The following ABCB11 variants were observed in gnomAD, a reference collection of about 807,000 sequenced individuals.
ABCB11 encodes ATP binding cassette subfamily B member 11.
ABCB11 carries 95 observed loss-of-function variants against 148.0 expected under a neutral mutation model. The observed-to-expected ratio is 0.64, with a 90% CI of 0.54 to 0.76. The LOEUF (loss-of-function observed/expected upper bound fraction) is 0.76, where lower values mean the gene tolerates loss of function less well. Ranked by LOEUF, ABCB11 falls within the 30% of genes least tolerant of loss-of-function variation. The probability of loss-of-function intolerance (pLI) is 0.00; values close to 1 mark genes in which losing one functional copy is unlikely to be tolerated. For missense variants in ABCB11, 1,523 were observed against 1,617.8 expected, an observed-to-expected ratio of 0.94 and a Z score of 1.01; for synonymous variants, 591 against 555.4, an observed-to-expected ratio of 1.06 and a Z score of -0.90.
chr2:168,976,315 G>A lies in ABCB11; in HGVS notation c.1308+262C>T, dbSNP rs546306138. 1.5e-4 allele frequency among the ~76,000 whole-genome samples: 23 copies of A among 152,204 alleles called. No homozygotes were observed. In the Middle Eastern group the frequency reaches 0.01, roughly 68 times the overall value. Reference sequence around the variant, plus strand: ...ACAGGACCTGCCACTCATTTCAACAGAGCGTCATACAGTTCATTTAGCCTG... The same window carrying A: ...ACAGGACCTGCCACTCATTTCAACAAAGCGTCATACAGTTCATTTAGCCTG... On this transcript the variant is annotated intron_variant, in intron 12 of 27. Coordinates refer to ENST00000650372, the MANE Select transcript of ABCB11 (RefSeq NM_003742.4).
intron 10 of ABCB11, among the ~76,000 whole-genome samples, chr2:168,984,259 T>G (rs888608555): frequency 9.9e-5 from 15 of 152,274 alleles, no homozygotes; most frequent in African/African-American, 3.6e-4. Flanking sequence ...TGTCTCTATT[T>G]GTCTGTATTC....
At chr2:169,013,654 G>C in intron 4 of ABCB11, 144 bp from the exon 5 acceptor site, 2 of 611,030 alleles carry the variant, frequency 3.3e-6, no homozygotes, top group East Asian at 2.8e-5. Flanking sequence ...GGCAGAGTTC[G>C]TATACTAATT....
rs1203372479 is a variant in ABCB11 at position 168,932,372 on chromosome 2, C to G, written c.3213+5G>C. 6.4e-7 allele frequency: 1 copy of G among 1,553,554 alleles called. No homozygotes were observed. Among genetic ancestry groups the G allele is most frequent in the East Asian group, 2.4e-5 (1 of 41,150 alleles). On this transcript the variant is annotated splice_donor_5th_base_variant and intron_variant, in intron 24 of 27. Transcript: ENST00000650372. ...TTTATGGCTGCATAGTATTCCAACACTTACCCATTTTTCACCTGCAGTATT... is the reference window on the plus strand; with the variant it reads ...TTTATGGCTGCATAGTATTCCAACAGTTACCCATTTTTCACCTGCAGTATT...
chr2:168,950,222 A>ATG (rs754220478), intron 19 of ABCB11, among the ~76,000 whole-genome samples: 10 of 151,354 alleles, frequency 6.6e-5, no homozygotes, highest in African/African-American at 2.2e-4. Context: ...ATATGTGTAT[A>ATG]TGTGTGTGTG....
intron 11 of ABCB11, among the ~76,000 whole-genome samples, chr2:168,979,516 C>A (rs889027427): frequency 6.6e-6 from 1 of 151,960 alleles, no homozygotes; most frequent in East Asian, 1.9e-4. Context: ...CCTCTCCCAG[C>A]ATGAGTAAAG....
At chr2:168,986,710 C>A (rs938660271) in intron 9 of ABCB11, among the ~76,000 whole-genome samples, 2 of 152,136 alleles carry the variant, frequency 1.3e-5, no homozygotes, top group Non-Finnish European at 2.9e-5. Flanking sequence ...AGGCTTGGAA[C>A]TAGTGTTTGC....
intron 11 of ABCB11, among the ~76,000 whole-genome samples, chr2:168,979,430 A>G (rs1694051558): frequency 6.6e-6 from 1 of 151,904 alleles, no homozygotes; most frequent in South Asian, 2.1e-4. Flanking sequence ...ACATTGCCCT[A>G]TTTTATTTCC....
chr2:168,975,441 A>C (rs373879673), intron 12 of ABCB11, among the ~76,000 whole-genome samples: 935 of 53,024 alleles, frequency 0.018, 14 homozygotes, highest in East Asian at 0.062. Flanking sequence ...ATAAATATAT[A>C]AATATATAAA....
At chr2:169,013,172 T>A in intron 5 of ABCB11, 100 bp downstream of exon 5, 1 of 837,850 alleles carries the variant, frequency 1.2e-6, no homozygotes, top group South Asian at 1.9e-5. Context: ...TTGTGTTAGA[T>A]ACCACTCCAG....
chr2:168,955,388 G>A (rs956254386), intron 19 of ABCB11, among the ~76,000 whole-genome samples: 3 of 151,512 alleles, frequency 2.0e-5, no homozygotes, highest in East Asian at 2.0e-4. Flanking sequence ...TTACAATCAC[G>A]GTGGAAAGAA....
intron 10 of ABCB11, among the ~76,000 whole-genome samples, chr2:168,981,044 T>C (rs1694119665): frequency 6.6e-6 from 1 of 152,158 alleles, no homozygotes; most frequent in Non-Finnish European, 1.5e-5. Flanking sequence ...ATGAATGTAG[T>C]CTTTTTCAGG....
At chr2:168,997,142 C>G (rs1694743247) in intron 5 of ABCB11, among the ~76,000 whole-genome samples, 1 of 151,992 alleles carries the variant, frequency 6.6e-6, no homozygotes, top group South Asian at 2.1e-4. Flanking sequence ...TTTTCAAAAG[C>G]CAGACAGGCT....
Position 169,013,334 on chromosome 2 carries a change from A to G in ABCB11, c.327T>C (p.Asn109=), listed in dbSNP as rs1393900085. Residue 109 remains asparagine, a synonymous_variant, in exon 5 of 28, where the codon AAT becomes AAC. Coordinates refer to ENST00000650372, the MANE Select transcript of ABCB11 (RefSeq NM_003742.4). ...ELQIPGKACV[N]NTIVWTNSSL... is the part of the protein sequence containing the mutation. ...AACTGTTAGTCCATACAATGGTGTT[A>G]TTCACACATGCTTTTCCTGGAATCT... The G allele has an allele frequency of 6.2e-7, 1 of 1,613,728 alleles. No homozygotes were observed. Among genetic ancestry groups the G allele is most frequent in the African/African-American group, 1.3e-5 (1 of 74,930 alleles).
At chr2:169,019,394 G>C (rs1695470831) in intron 1 of ABCB11, among the ~76,000 whole-genome samples, 1 of 152,130 alleles carries the variant, frequency 6.6e-6, no homozygotes, top group Non-Finnish European at 1.5e-5. Context: ...GATTGGAATA[G>C]ATATCAGTCA....
intron 5 of ABCB11, among the ~76,000 whole-genome samples, chr2:169,009,747 A>T (rs1695126251): frequency 6.6e-6 from 1 of 152,144 alleles, no homozygotes; most frequent in African/African-American, 2.4e-5. Context: ...AGGAAAAAAA[A>T]GAAAATGTTC....
At chr2:168,999,958 C>A (rs1694823515) in intron 5 of ABCB11, among the ~76,000 whole-genome samples, 1 of 151,968 alleles carries the variant, frequency 6.6e-6, no homozygotes, top group Admixed American at 6.6e-5. Context: ...TAGAGTGATC[C>A]AATTCTTCCA....
chr2:168,950,959 G>A (rs992750039), intron 19 of ABCB11, among the ~76,000 whole-genome samples: 5 of 151,518 alleles, frequency 3.3e-5, no homozygotes, highest in African/African-American at 1.2e-4. Flanking sequence ...TGTAAGTGGT[G>A]AGAGGTATGG....
In ABCB11 at chr2:169,030,033, C is replaced by T. The variant is rs184865082; in HGVS notation, c.-28+1192G>A. On this transcript the variant is annotated intron_variant, in intron 1 of 27. Transcript: ENST00000650372. The stretch of plus-strand genomic sequence containing the variant: ...GAGATTACAGGCGTGAGCCACCGCG[C>T]CCGGCCAGTTCTTTCCTCTTGACCA... 5.6e-3 allele frequency among the ~76,000 whole-genome samples: 679 copies of T among 121,704 alleles called. 53 individuals carry two copies. Among genetic ancestry groups the T allele is most frequent in the African/African-American group, 0.021 (658 of 30,994 alleles). The allele number at this position is 121,704 out of a possible 152,430, so 79.8% of individuals were successfully genotyped here.
intron 1 of ABCB11, among the ~76,000 whole-genome samples, chr2:169,027,554 A>C (rs1424098731): frequency 6.6e-6 from 1 of 152,234 alleles, no homozygotes; most frequent in African/African-American, 2.4e-5. Context: ...AGCATTCTGA[A>C]AGACCTCACT....
Sources: gnomAD v4.1 joint callset for allele counts (sites outside exome capture counted in the v4.1 genomes callset) on GRCh38, gnomAD v4.1.1 for gene constraint, MANE v1.5 for transcripts, NCBI Gene and HGNC (gene_info 2026-07-23, HGNC 2026-07-21) for gene names.